The following RBFOX2 variants were observed in gnomAD, a reference collection of about 807,000 sequenced individuals.
The protein encoded by RBFOX2 is RNA binding protein fox-1 homolog 2.
RBFOX2 carries 10 observed loss-of-function variants against 49.1 expected under a neutral mutation model. That is an observed-to-expected ratio of 0.20 (90% CI 0.13 to 0.35). The LOEUF is 0.35. Ranked by LOEUF, RBFOX2 falls within the 10% of genes least tolerant of loss-of-function variation. The pLI is 1.00. For missense variants in RBFOX2, 323 were observed against 486.9 expected (o/e 0.66, Z 3.17); for synonymous variants, 183 against 187.4 (o/e 0.98, Z 0.19).
intron 1 of RBFOX2, among the ~76,000 whole-genome samples, chr22:35,837,940 T>TCA (rs1370810822): frequency 6.6e-6 from 1 of 152,146 alleles, no homozygotes; most frequent in Non-Finnish European, 1.5e-5. Context: ...AACTTAATGG[T>TCA]CACACACACT....
At chr22:35,845,190 CCTAA>C (rs1235189569), upstream of RBFOX2, among the ~76,000 whole-genome samples, 5 of 152,036 alleles carry the variant, frequency 3.3e-5, no homozygotes, top group Admixed American at 2.0e-4. Context: ...ACACAATAAC[CCTAA>C]CTAAGTGTAA....
At chr22:35,743,171 C>T (rs1283743515) in exon 12 of RBFOX2, 2 of 152,280 alleles carry the variant, frequency 1.3e-5, no homozygotes, top group Admixed American at 6.5e-5. Flanking sequence ...GTAAGAAATA[C>T]CAGATCTTCT....
chr22:35,895,231 A>G (rs1317227578), intron 1 of RBFOX2, among the ~76,000 whole-genome samples: 1 of 152,216 alleles, frequency 6.6e-6, no homozygotes, highest in African/African-American at 2.4e-5. Context: ...CACAAAGATT[A>G]TTGCAAAAGA....
At chr22:35,955,135 A>G (rs1209178958) in intron 1 of RBFOX2, among the ~76,000 whole-genome samples, 2 of 152,242 alleles carry the variant, frequency 1.3e-5, no homozygotes, top group Non-Finnish European at 2.9e-5. Flanking sequence ...CATGACTTAA[A>G]GAACCAATTT....
intron 1 of RBFOX2, among the ~76,000 whole-genome samples, chr22:36,012,060 G>C (rs910732847): frequency 1.3e-5 from 2 of 152,098 alleles, no homozygotes; most frequent in Admixed American, 1.3e-4. Flanking sequence ...ATCTAAATTA[G>C]AGATGGAATA....
chr22:35,789,850 T>C (rs188765048), intron 2 of RBFOX2, among the ~76,000 whole-genome samples: 26 of 152,256 alleles, frequency 1.7e-4, no homozygotes, highest in African/African-American at 4.1e-4. Context: ...CTAGTAATCA[T>C]TGGTTGTCTA....
chr22:35,852,080 G>T (rs2042006172), intron 1 of RBFOX2, among the ~76,000 whole-genome samples: 1 of 151,736 alleles, frequency 6.6e-6, no homozygotes, highest in Admixed American at 6.6e-5. Flanking sequence ...ACCCAATACT[G>T]TATAATAACA....
chr22:35,921,066 G>A (rs1003203354), intron 1 of RBFOX2, among the ~76,000 whole-genome samples: 7 of 152,140 alleles, frequency 4.6e-5, no homozygotes, highest in Non-Finnish European at 7.4e-5. Flanking sequence ...AGATTGCAAC[G>A]CCTCTTAGCA....
chr22:35,809,037 G>C (rs1368607613), intron 2 of RBFOX2, among the ~76,000 whole-genome samples: 1 of 147,664 alleles, frequency 6.8e-6, no homozygotes, highest in Non-Finnish European at 1.5e-5. Context: ...GAGTTAAGTA[G>C]GAAATCGGCA....
chr22:35,833,001 C>T (rs907249568), intron 1 of RBFOX2, among the ~76,000 whole-genome samples: 7 of 152,148 alleles, frequency 4.6e-5, no homozygotes, highest in African/African-American at 1.7e-4. Flanking sequence ...ATCCTAATTA[C>T]TGATTTGATC....
intron 1 of RBFOX2, among the ~76,000 whole-genome samples, chr22:35,865,158 T>G (rs1035015984): frequency 5.9e-5 from 9 of 152,168 alleles, no homozygotes; most frequent in South Asian, 2.1e-4. Flanking sequence ...TGGATGGATG[T>G]ATATCTCGGC....
intron 1 of RBFOX2, among the ~76,000 whole-genome samples, chr22:35,949,409 G>GAACT (rs949572061): frequency 6.6e-6 from 1 of 152,184 alleles, no homozygotes; most frequent in African/African-American, 2.4e-5. Context: ...TTCAGAAGCA[G>GAACT]AACTGCTGGA....
At chr22:35,983,003 C>T (rs2057537082) in intron 1 of RBFOX2, among the ~76,000 whole-genome samples, 1 of 152,170 alleles carries the variant, frequency 6.6e-6, no homozygotes, top group South Asian at 2.1e-4. Context: ...CCCTACAAGG[C>T]AGCAAAGCAA....
intron 1 of RBFOX2, among the ~76,000 whole-genome samples, chr22:35,979,945 T>C (rs571025121): frequency 2.0e-5 from 3 of 152,148 alleles, no homozygotes; most frequent in Non-Finnish European, 4.4e-5. Context: ...CCAATATCTT[T>C]ACTTATCATT....
At chr22:35,754,501 G>A (rs1389191363) in intron 9 of RBFOX2, among the ~76,000 whole-genome samples, 1 of 152,114 alleles carries the variant, frequency 6.6e-6, no homozygotes, top group Non-Finnish European at 1.5e-5. Context: ...TAACTCAAAT[G>A]GAAAATCTTG....
chr22:35,739,732 G>C (rs1050936848), exon 12 of RBFOX2: 10 of 152,704 alleles, frequency 6.5e-5, no homozygotes, highest in Non-Finnish European at 8.8e-5. Flanking sequence ...AAAGGGCAGG[G>C]GGTGGGGAGA....
At chr22:35,949,655 G>C (rs1401337184) in intron 1 of RBFOX2, among the ~76,000 whole-genome samples, 3 of 152,160 alleles carry the variant, frequency 2.0e-5, no homozygotes, top group African/African-American at 7.2e-5. Context: ...GTGATGTTGA[G>C]CATCTTTTCA....
intron 1 of RBFOX2, among the ~76,000 whole-genome samples, chr22:35,820,635 T>A (rs1954253210): frequency 6.6e-6 from 1 of 152,218 alleles, no homozygotes; most frequent in South Asian, 2.1e-4. Context: ...TGAAGGCAGG[T>A]AATTGTCCAG....
upstream of RBFOX2, among the ~76,000 whole-genome samples, chr22:35,941,352 G>C (rs1322291955): frequency 6.6e-6 from 1 of 152,038 alleles, no homozygotes; most frequent in Non-Finnish European, 1.5e-5. Context: ...TGGTGGAAAA[G>C]AGGAAGAGAT....
Sources: gnomAD v4.1 joint callset for allele counts (sites outside exome capture counted in the v4.1 genomes callset) on GRCh38, gnomAD v4.1.1 for gene constraint, MANE v1.5 for transcripts, NCBI Gene and HGNC (gene_info 2026-07-23, HGNC 2026-07-21) for gene names.